PFKFB3: variants seen among roughly 807,000 people sequenced by gnomAD.
The protein encoded by PFKFB3 is 6-phosphofructo-2-kinase/fructose-2,6-biphosphatase 3.
PFKFB3 carries 33 observed loss-of-function variants against 68.0 expected under a neutral mutation model. The observed-to-expected ratio is 0.49, with a 90% CI of 0.37 to 0.65. PFKFB3 has a LOEUF of 0.65. Among genes scored for constraint, PFKFB3 ranks in the 30% least tolerant of loss-of-function variants. The pLI, the probability that PFKFB3 is intolerant of heterozygous loss-of-function variation, is 0.00. For synonymous variants in PFKFB3, 315 were observed against 288.2 expected (o/e 1.09, Z -0.94); for missense variants, 586 against 712.2 (o/e 0.82, Z 2.02).
chr10:6,167,492 G>T (rs1448665141), intron 1 of PFKFB3, among the ~76,000 whole-genome samples: 1 of 152,186 alleles, frequency 6.6e-6, no homozygotes, highest in African/African-American at 2.4e-5. Flanking sequence ...TTATTAAATT[G>T]TCACATTTTA....
intron 1 of PFKFB3, among the ~76,000 whole-genome samples, chr10:6,188,426 T>C (rs1842930919): frequency 1.3e-5 from 2 of 151,852 alleles, no homozygotes; most frequent in South Asian, 4.2e-4. Context: ...ATGGCCTTTG[T>C]ATTTTTGAAA....
intron 14 of PFKFB3, among the ~76,000 whole-genome samples, chr10:6,247,960 A>T (rs10906080): frequency 0.49 from 74,187 of 152,100 alleles, 22,216 homozygotes; most frequent in Non-Finnish European, 0.68. Context: ...GGAGGTTAGA[A>T]TATTTGCCCC....
Position 6,220,632 on chromosome 10 carries a change from T to C in PFKFB3, c.624-26T>C, listed in dbSNP as rs779931175. 1 of 1,608,484 alleles carries C rather than the reference T, an allele frequency of 6.2e-7. No individual in the cohort carries two copies. The highest frequency in any genetic ancestry group is 1.1e-5 in the South Asian group (1 of 90,978). Reference sequence around the variant, plus strand: ...CTGCTGTGGGTGGTGGCCTGAGCTGTGGTTCTCGGTGGGGTCTCTCTGCAG... The same window carrying C: ...CTGCTGTGGGTGGTGGCCTGAGCTGCGGTTCTCGGTGGGGTCTCTCTGCAG... On this transcript the variant is annotated intron_variant, in intron 7 of 14. Transcript: ENST00000379775. The surrounding 1 kb of genome is among the most constrained non-coding windows in gnomAD (Gnocchi z 4.1).
intron 1 of PFKFB3, among the ~76,000 whole-genome samples, chr10:6,156,309 A>G (rs1841790222): frequency 6.6e-6 from 1 of 150,448 alleles, no homozygotes; most frequent in African/African-American, 2.5e-5. Context: ...GTGCGCCACC[A>G]CAGTCTGCTT....
intron 6 of PFKFB3, among the ~76,000 whole-genome samples, chr10:6,218,024 G>A (rs991478792): frequency 1.3e-5 from 2 of 152,136 alleles, no homozygotes; most frequent in Non-Finnish European, 2.9e-5. Context: ...ATATCTTTAG[G>A]AAATGAATTC....
At chr10:6,261,183 C>A in the PFKFB3 span, among the ~76,000 whole-genome samples, 1 of 152,134 alleles carries the variant, frequency 6.6e-6, no homozygotes, top group Non-Finnish European at 1.5e-5. Flanking sequence ...ATTTGGATAC[C>A]ATCTTTTGTG....
At chr10:6,281,473 TAGA>T in the PFKFB3 span, among the ~76,000 whole-genome samples, 5 of 151,964 alleles carry the variant, frequency 3.3e-5, no homozygotes, top group South Asian at 4.2e-4. Context: ...TTGGCATTGG[TAGA>T]AGAAGAGAAT....
At chr10:6,146,160 C>T in intron 1 of PFKFB3, 2 of 922,894 alleles carry the variant, frequency 2.2e-6, no homozygotes, top group Non-Finnish European at 2.6e-6. Context: ...AGCCTGGCCT[C>T]CCCTGGCACT....
At chr10:6,271,648 C>T in the PFKFB3 span, among the ~76,000 whole-genome samples, 1 of 152,152 alleles carries the variant, frequency 6.6e-6, no homozygotes, top group Admixed American at 6.5e-5. Context: ...GCCTATGAGT[C>T]TCTAACTAAG....
chr10:6,318,749 A>G, the PFKFB3 span, among the ~76,000 whole-genome samples: 1 of 152,214 alleles, frequency 6.6e-6, no homozygotes, highest in African/African-American at 2.4e-5. Context: ...GTAAAGGGGA[A>G]AAACATTATT....
chr10:6,254,487 G>T (rs1322277983), exon 15 of PFKFB3: 1 of 397,564 alleles, frequency 2.5e-6, no homozygotes, highest in Non-Finnish European at 4.4e-6. Context: ...AAATACAGAG[G>T]TCTCCAATGG....
intron 1 of PFKFB3, among the ~76,000 whole-genome samples, chr10:6,207,384 G>A (rs576264083): frequency 3.3e-4 from 51 of 152,364 alleles, no homozygotes; most frequent in African/African-American, 1.2e-3. Flanking sequence ...CGAGATGGCA[G>A]CAGTACAGTC....
intron 14 of PFKFB3, among the ~76,000 whole-genome samples, chr10:6,245,338 G>A (rs1193703519): frequency 6.6e-6 from 1 of 151,886 alleles, no homozygotes; most frequent in Non-Finnish European, 1.5e-5. Context: ...CTTGTGATCT[G>A]CCCGCCTTGG....
At chr10:6,227,239 A>G (rs1489323722) in intron 14 of PFKFB3, among the ~76,000 whole-genome samples, 2 of 151,950 alleles carry the variant, frequency 1.3e-5, no homozygotes, top group African/African-American at 4.8e-5. Flanking sequence ...ACAGCCTGGA[A>G]CCCTTGCAAA....
In PFKFB3 at chr10:6,203,245, G is replaced by C; in HGVS notation, c.-16G>C. 1.2e-6 allele frequency: 2 copies of C among 1,605,694 alleles called. No homozygotes were observed. The highest frequency in any genetic ancestry group is 8.5e-7 in the Non-Finnish European group (1 of 1,176,910). The stretch of plus-strand genomic sequence containing the variant: ...TCTCGGCCCCGGGAGGCGGGCCGTC[G>C]GGCGCAGCCGCGAAGATGCCGTTGG... On this transcript the variant is annotated 5_prime_UTR_variant, in exon 1 of 15. Coordinates refer to ENST00000379775, the MANE Select transcript of PFKFB3 (RefSeq NM_004566.4).
At chr10:6,274,421 A>G in the PFKFB3 span, among the ~76,000 whole-genome samples, 2 of 152,218 alleles carry the variant, frequency 1.3e-5, no homozygotes, top group African/African-American at 2.4e-5. Flanking sequence ...TGAAATACTG[A>G]TATCAAAATG....
intron 2 of PFKFB3, among the ~76,000 whole-genome samples, chr10:6,214,117 C>A (rs926200822): frequency 5.9e-5 from 9 of 152,230 alleles, no homozygotes; most frequent in East Asian, 1.9e-4. Flanking sequence ...GGTCTTCAAC[C>A]CCCAGGCTGT....
chr10:6,228,437 G>T lies in PFKFB3; in HGVS notation c.1515+2072G>T. 1 of 631,904 alleles carries T rather than the reference G, an allele frequency of 1.6e-6. No individual in the cohort carries two copies. Among genetic ancestry groups the T allele is most frequent in the Non-Finnish European group, 2.9e-6 (1 of 348,636 alleles). The allele number at this position is 631,904 out of a possible 1,614,324, so 39.1% of individuals were successfully genotyped here. A position where few individuals can be genotyped will look rare whatever the true frequency, so the allele number is the denominator to read the frequency against. The stretch of plus-strand genomic sequence containing the variant: ...CATGGTGGCTGCACTACTGTTGGGT[G>T]TGTTCCGACACCGCCGCACGACCGC... On this transcript the variant is annotated intron_variant, in intron 14 of 14. Transcript: ENST00000379775. This position sits in a 1 kb window ranked among gnomAD's most constrained non-coding sequence, Gnocchi z 4.5.
rs1271446513 is a variant in PFKFB3, at chr10:6,215,716, T to C, written c.299+399T>C. 1.3e-5 allele frequency among the ~76,000 whole-genome samples: 2 copies of C among 152,156 alleles called. No individual in the cohort carries two copies. The highest frequency in any genetic ancestry group is 2.9e-5 in the Non-Finnish European group (2 of 68,006). On this transcript the variant is annotated intron_variant, in intron 3 of 14. Transcript: ENST00000379775. The surrounding 1 kb of genome is among the most constrained non-coding windows in gnomAD (Gnocchi z 4.3). Reference sequence around the variant, plus strand: ...CTGTTTATGTTTGGAAAGGATTTCTTGTTAAGTGCGAGTTGATTGTGAAAC... The same window carrying C: ...CTGTTTATGTTTGGAAAGGATTTCTCGTTAAGTGCGAGTTGATTGTGAAAC...
Sources: gnomAD v4.1 joint callset for allele counts (sites outside exome capture counted in the v4.1 genomes callset) on GRCh38, gnomAD v4.1.1 for gene constraint, Gnocchi (gnomAD v3.1) non-coding constraint, MANE v1.5 for transcripts, NCBI Gene and HGNC (gene_info 2026-07-23, HGNC 2026-07-21) for gene names.